Variants in VOPP1 observed in about 807,000 individuals in gnomAD.
VOPP1 encodes WW domain binding protein VOPP1.
In VOPP1, 8 loss-of-function variants were observed where a neutral mutation model predicts 23.5. The ratio of observed to expected loss-of-function variants is 0.34; its 90% confidence interval spans 0.20 to 0.61. The LOEUF is 0.61. Ranked by LOEUF, VOPP1 falls within the 20% of genes least tolerant of loss-of-function variation. VOPP1 has a pLI of 0.78. For synonymous variants in VOPP1, 83 were observed against 97.3 expected (o/e 0.85, Z 0.86); for missense variants, 174 against 238.1 (o/e 0.73, Z 1.77).
At chr7:55,486,452 G>A (rs995163539) in intron 4 of VOPP1, among the ~76,000 whole-genome samples, 1 of 152,206 alleles carries the variant, frequency 6.6e-6, no homozygotes, top group Admixed American at 6.5e-5. Context: ...AGGGAGGGGA[G>A]GGGCAGCACG....
chr7:55,514,946 T>C (rs1427841660), intron 2 of VOPP1, among the ~76,000 whole-genome samples: 2 of 152,110 alleles, frequency 1.3e-5, no homozygotes, highest in African/African-American at 2.4e-5. Flanking sequence ...CTGGAATGGG[T>C]TCTGCCTCCT....
intron 1 of VOPP1, among the ~76,000 whole-genome samples, chr7:55,557,080 G>A (rs999162625): frequency 3.9e-5 from 6 of 152,090 alleles, no homozygotes; most frequent in Non-Finnish European, 8.8e-5. Context: ...CCATTTCTTC[G>A]GAGTTGGTGT....
Position 55,527,808 on chromosome 7 carries a change from C to T in VOPP1, c.55-6678G>A, listed in dbSNP as rs536046473. On this transcript the variant is annotated intron_variant, in intron 1 of 4. Transcript: ENST00000285279. The stretch of plus-strand genomic sequence containing the variant: ...TAGATATGAGAATTTTTCAAAGAAA[C>T]ACAAAAGGCCAATAAACCTATTTTA... 3.4e-4 allele frequency among the ~76,000 whole-genome samples: 51 copies of T among 152,174 alleles called. No homozygotes were observed. In the South Asian group the frequency reaches 9.6e-3, roughly 29 times the overall value.
At chr7:55,548,632 G>A (rs560353017) in intron 1 of VOPP1, among the ~76,000 whole-genome samples, 23 of 152,342 alleles carry the variant, frequency 1.5e-4, no homozygotes, top group African/African-American at 4.6e-4. Context: ...GGGTGAACAC[G>A]CCTGCTACTG....
intron 2 of VOPP1, among the ~76,000 whole-genome samples, chr7:55,509,836 C>T (rs1220473157): frequency 6.6e-6 from 1 of 152,170 alleles, no homozygotes; most frequent in Non-Finnish European, 1.5e-5. Context: ...AACCAGAAAC[C>T]TCTGATTTAT....
At chr7:55,445,278 G>GAC (rs757378648) in intron 4 of VOPP1, among the ~76,000 whole-genome samples, 2,445 of 65,204 alleles carry the variant, frequency 0.037, 79 homozygotes, top group African/African-American at 0.11. Flanking sequence ...TACACACACA[G>GAC]ACACACACAC....
At chr7:55,540,897 T>C (rs540255879) in intron 1 of VOPP1, among the ~76,000 whole-genome samples, 16 of 151,728 alleles carry the variant, frequency 1.1e-4, no homozygotes, top group East Asian at 7.7e-4. Context: ...CATTTTAAAA[T>C]ACAAGGAAAA....
At chr7:55,500,326 T>C (rs1314110742) in intron 2 of VOPP1, among the ~76,000 whole-genome samples, 1 of 152,260 alleles carries the variant, frequency 6.6e-6, no homozygotes. Context: ...TGAAATAGTA[T>C]TAATAGCAGC....
intron 4 of VOPP1, among the ~76,000 whole-genome samples, chr7:55,489,234 T>A (rs1355203004): frequency 6.6e-6 from 1 of 152,240 alleles, no homozygotes. Flanking sequence ...CCTGGGAGCC[T>A]GCTTTCATAT....
intron 1 of VOPP1, among the ~76,000 whole-genome samples, chr7:55,570,565 C>T (rs1798312907): frequency 6.6e-6 from 1 of 152,162 alleles, no homozygotes; most frequent in Non-Finnish European, 1.5e-5. Flanking sequence ...GGCACAGAAC[C>T]ACTCAGACAG....
chr7:55,439,887 A>G (rs1722981), intron 4 of VOPP1, among the ~76,000 whole-genome samples: 110,615 of 152,132 alleles, frequency 0.73, 40,753 homozygotes, highest in African/African-American at 0.83. Context: ...AGAGAGCACC[A>G]AGTGGATCTG....
At chr7:55,485,176 A>G (rs778904682) in intron 4 of VOPP1, among the ~76,000 whole-genome samples, 3 of 152,174 alleles carry the variant, frequency 2.0e-5, no homozygotes, top group Non-Finnish European at 4.4e-5. Flanking sequence ...ATGCCCAATT[A>G]AGCTCCTGGC....
chr7:55,489,563 C>CTG (rs896666687), intron 4 of VOPP1, among the ~76,000 whole-genome samples: 1 of 152,186 alleles, frequency 6.6e-6, no homozygotes, highest in African/African-American at 2.4e-5. Context: ...GGTGCTGGAG[C>CTG]TGTGCATGCA....
At chr7:55,475,515 C>T (rs1240729727) in intron 4 of VOPP1, among the ~76,000 whole-genome samples, 1 of 152,152 alleles carries the variant, frequency 6.6e-6, no homozygotes, top group Non-Finnish European at 1.5e-5. Context: ...GCGTTACAGT[C>T]ACAGATGGGA....
At chr7:55,440,238 A>T (rs1424719162) in intron 4 of VOPP1, among the ~76,000 whole-genome samples, 1 of 152,150 alleles carries the variant, frequency 6.6e-6, no homozygotes, top group Non-Finnish European at 1.5e-5. Flanking sequence ...ACAAAAGCTG[A>T]GTGGAAATGC....
rs565199864 is a variant in VOPP1, at chr7:55,516,112, A to G, written c.113+4960T>C. 290 of 675,124 alleles carry G rather than the reference A, an allele frequency of 4.3e-4. 2 individuals are homozygous for G. The African/African-American group carries it at 5.4e-3, about 13-fold the overall frequency. 41.8% of individuals were successfully genotyped at this position (675,124 alleles called of 1,614,324 possible). A position where few individuals can be genotyped will look rare whatever the true frequency, so the allele number is the denominator to read the frequency against. ...CAGCCACTTGCTATTTTTAAATCACATGTTACTAAGAGCAGACACCTAGTA... is the reference window on the plus strand; with the variant it reads ...CAGCCACTTGCTATTTTTAAATCACGTGTTACTAAGAGCAGACACCTAGTA... On this transcript the variant is annotated intron_variant, in intron 2 of 4. Transcript: ENST00000285279.
At chr7:55,478,688 T>C (rs1485095991) in intron 4 of VOPP1, among the ~76,000 whole-genome samples, 1 of 152,196 alleles carries the variant, frequency 6.6e-6, no homozygotes, top group Non-Finnish European at 1.5e-5. Context: ...GCAGGAAGCA[T>C]GGAATAGAAC....
intron 2 of VOPP1, among the ~76,000 whole-genome samples, chr7:55,502,024 T>C (rs1794406014): frequency 6.6e-6 from 1 of 152,254 alleles, no homozygotes; most frequent in Non-Finnish European, 1.5e-5. Flanking sequence ...GGAAAGCAGG[T>C]ATACACTAAT....
chr7:55,483,221 T>C (rs551470317), intron 4 of VOPP1, among the ~76,000 whole-genome samples: 1 of 152,216 alleles, frequency 6.6e-6, no homozygotes, highest in East Asian at 1.9e-4. Flanking sequence ...TCATTCACCT[T>C]GCTGAAATAC....
Sources: gnomAD v4.1 joint callset for allele counts (sites outside exome capture counted in the v4.1 genomes callset) on GRCh38, gnomAD v4.1.1 for gene constraint, MANE v1.5 for transcripts, NCBI Gene and HGNC (gene_info 2026-07-23, HGNC 2026-07-21) for gene names.